The following PLOD2 variants were observed in gnomAD, a reference collection of about 807,000 sequenced individuals.
PLOD2 encodes lysine hydroxylase 2.
PLOD2 carries 65 observed loss-of-function variants against 101.0 expected under a neutral mutation model. The observed-to-expected ratio is 0.64, with a 90% confidence interval of 0.53 to 0.79. The LOEUF is 0.79. PLOD2 is among the 30% of genes least tolerant of loss of function. The pLI is 0.00. For synonymous variants in PLOD2, 314 were observed against 302.9 expected, an observed-to-expected ratio of 1.04 and a Z score of -0.38; for missense variants, 909 against 914.6, an observed-to-expected ratio of 0.99 and a Z score of 0.08.
intron 1 of PLOD2, among the ~76,000 whole-genome samples, chr3:146,126,561 A>G (rs908082488): frequency 3.3e-5 from 5 of 152,178 alleles, no homozygotes; most frequent in African/African-American, 1.2e-4. Context: ...TGTCAGCAAT[A>G]AAATTCAGAA....
chr3:146,122,621 G>C (rs890896905), intron 2 of PLOD2, among the ~76,000 whole-genome samples: 1 of 152,106 alleles, frequency 6.6e-6, no homozygotes, highest in South Asian at 2.1e-4. Flanking sequence ...GCAGATGTTG[G>C]TGGTCTGGGG....
At chr3:146,155,305 CA>C (rs2108147951) in intron 1 of PLOD2, among the ~76,000 whole-genome samples, 1 of 149,966 alleles carries the variant, frequency 6.7e-6, no homozygotes, top group South Asian at 2.1e-4. Context: ...GCCTGACCTA[CA>C]GAGTGAGACC....
At chr3:146,133,789 A>T (rs1032128253) in intron 1 of PLOD2, among the ~76,000 whole-genome samples, 1 of 152,168 alleles carries the variant, frequency 6.6e-6, no homozygotes, top group Admixed American at 6.5e-5. Flanking sequence ...AAGTTGGGGG[A>T]AAAAAGTGTG....
chr3:146,099,393 C>T (rs1937308434), intron 7 of PLOD2, among the ~76,000 whole-genome samples: 1 of 152,050 alleles, frequency 6.6e-6, no homozygotes, highest in Non-Finnish European at 1.5e-5. Flanking sequence ...CAAAATCACT[C>T]CTCAAAGACA....
intron 9 of PLOD2, 133 bp downstream of exon 9, chr3:146,088,453 G>T: frequency 1.6e-6 from 1 of 641,502 alleles, no homozygotes. Context: ...TCCTAAAAAG[G>T]CAGGGCTGTA....
chr3:146,110,349 T>C lies in PLOD2; in HGVS notation c.438A>G (p.Pro146=). Residue 146 remains proline (P), a synonymous_variant, in exon 4 of 20, where the codon CCA becomes CCG. Coordinates refer to ENST00000282903, the MANE Select transcript of PLOD2 (RefSeq NM_182943.3). The part of the protein sequence containing the change: ...VVFAADGILW[P]DKRLADKYPV... ...GATACTTGTCTGCTAGTCTTTTATC[T>C]GGCCACAAAATTCCATCTGCTGCAA... 1.2e-6 allele frequency: 2 copies of C among 1,613,840 alleles called. No individual in the cohort carries two copies. The highest frequency in any genetic ancestry group is 1.1e-5 in the South Asian group (1 of 91,056).
intron 1 of PLOD2, among the ~76,000 whole-genome samples, chr3:146,139,651 A>G (rs2031425459): frequency 6.6e-6 from 1 of 152,156 alleles, no homozygotes; most frequent in African/African-American, 2.4e-5. Context: ...ACTGGACTTA[A>G]GCAGAAATGA....
intron 7 of PLOD2, among the ~76,000 whole-genome samples, chr3:146,094,402 T>C (rs149727053): frequency 2.0e-5 from 3 of 152,236 alleles, no homozygotes; most frequent in East Asian, 1.9e-4. Context: ...TTATCTTTTG[T>C]AATCAGTGTG....
chr3:146,073,079 A>AAGCCTTTTT (rs1936208759), intron 16 of PLOD2, among the ~76,000 whole-genome samples: 1 of 151,638 alleles, frequency 6.6e-6, no homozygotes, highest in Non-Finnish European at 1.5e-5. Flanking sequence ...GCTTTTTAAA[A>AAGCCTTTTT]AGGCATGCTT....
chr3:146,082,644 G>A (rs532837744), intron 11 of PLOD2, among the ~76,000 whole-genome samples: 26 of 152,248 alleles, frequency 1.7e-4, no homozygotes, highest in Admixed American at 1.0e-3. Flanking sequence ...TGTAATCCCA[G>A]CACTTTGGGA....
At chr3:146,146,445 C>G (rs1415017156) in intron 1 of PLOD2, among the ~76,000 whole-genome samples, 2 of 152,074 alleles carry the variant, frequency 1.3e-5, no homozygotes, top group African/African-American at 4.8e-5. Flanking sequence ...CAGAAGGATA[C>G]GGTTTACCCT....
chr3:146,115,817 G>T (rs1269103233), intron 3 of PLOD2, among the ~76,000 whole-genome samples: 2 of 152,046 alleles, frequency 1.3e-5, no homozygotes, highest in Non-Finnish European at 2.9e-5. Context: ...TGACCATATT[G>T]TCTGTCACAG....
chr3:146,097,125 G>C (rs1409314350), intron 7 of PLOD2, among the ~76,000 whole-genome samples: 214 of 148,982 alleles, frequency 1.4e-3, no homozygotes, highest in Non-Finnish European at 2.4e-3. Context: ...CAGGAGGGAG[G>C]TGGGGGGGTC....
At position 146,076,845 on chromosome 3, in the gene PLOD2, G is replaced by C. The variant is rs768461690; in HGVS notation, c.1614C>G (p.Ser538=). 5.0e-6 allele frequency: 8 copies of C among 1,591,300 alleles called. No individual in the cohort carries two copies. The Admixed American group carries it at 1.3e-4, about 27-fold the overall frequency. The change falls in exon 15 of 20, where the codon TCC becomes TCG. Residue 538 remains serine, a synonymous_variant. Coordinates refer to ENST00000282903, the MANE Select transcript of PLOD2 (RefSeq NM_182943.3). ...SNRHEFGRLL[S]TANYNTSHYN... is the part of the protein sequence containing the mutation. ...AATGGGAAGTATTGTAATTAGCAGT[G>C]GATAATAGCCTTCCAAATTCATGTC...
intron 1 of PLOD2, among the ~76,000 whole-genome samples, chr3:146,125,945 C>G (rs1266869625): frequency 6.6e-6 from 1 of 152,058 alleles, no homozygotes; most frequent in South Asian, 2.1e-4. Context: ...AGTTACATTT[C>G]TTAAATTTGT....
intron 1 of PLOD2, among the ~76,000 whole-genome samples, chr3:146,149,446 GA>G (rs772854011): frequency 2.6e-5 from 4 of 151,014 alleles, no homozygotes; most frequent in Non-Finnish European, 4.4e-5. Context: ...ATCTCAACAT[GA>G]AAAAAAAATC....
intron 5 of PLOD2, 105 bp downstream of exon 5, chr3:146,106,427 G>C (rs1937535356): frequency 1.4e-6 from 1 of 739,108 alleles, no homozygotes; most frequent in African/African-American, 1.7e-5. Flanking sequence ...TTTACCATTT[G>C]CCATACTATC....
chr3:146,069,936 T>C lies in PLOD2; in HGVS notation c.*781A>G, dbSNP rs1449498967. 1 of 152,250 alleles carries C rather than the reference T, an allele frequency of 6.6e-6. No homozygotes were observed. The highest frequency in any genetic ancestry group is 1.5e-5 in the Non-Finnish European group (1 of 67,874). The allele number at this position is 152,250 out of a possible 1,614,324, so 9.4% of individuals were successfully genotyped here. A position where few individuals can be genotyped will look rare whatever the true frequency, so the allele number is the denominator to read the frequency against. On this transcript the variant is annotated 3_prime_UTR_variant, in exon 20 of 20. Transcript: ENST00000282903. ...CAAAAACAACAACAAAAAAAACCTG[T>C]TTGACTTAAGGACACTTGCTGATCT...
At chr3:146,148,693 T>C (rs1426446483) in intron 1 of PLOD2, among the ~76,000 whole-genome samples, 1 of 152,200 alleles carries the variant, frequency 6.6e-6, no homozygotes, top group African/African-American at 2.4e-5. Context: ...GACTTGTACC[T>C]CAATTTATCA....
Sources: gnomAD v4.1 joint callset for allele counts (sites outside exome capture counted in the v4.1 genomes callset) on GRCh38, gnomAD v4.1.1 for gene constraint, MANE v1.5 for transcripts, NCBI Gene and HGNC (gene_info 2026-07-23, HGNC 2026-07-21) for gene names.